Variants in IL31RA observed in about 807,000 individuals in gnomAD.
The protein encoded by IL31RA is interleukin 31 receptor A, also known as interleukin-31 receptor subunit alpha.
Under a neutral mutation model 83.7 loss-of-function variants are expected in IL31RA, and 66 were observed. The observed-to-expected ratio is 0.79, with a 90% CI of 0.65 to 0.97. The LOEUF is 0.97. Ranked by LOEUF, IL31RA falls within the 50% of genes least tolerant of loss-of-function variation. The probability of loss-of-function intolerance (pLI) is 0.00; values close to 1 mark genes in which losing one functional copy is unlikely to be tolerated. For missense variants in IL31RA, 798 were observed against 919.4 expected, an observed-to-expected ratio of 0.87 and a Z score of 1.71; for synonymous variants, 325 against 329.0, an observed-to-expected ratio of 0.99 and a Z score of 0.13.
chr5:55,862,124 G>A (rs1745725148), intron 2 of IL31RA, among the ~76,000 whole-genome samples: 1 of 152,086 alleles, frequency 6.6e-6, no homozygotes, highest in Non-Finnish European at 1.5e-5. Flanking sequence ...GAGGGAATAG[G>A]GAAAGAAAGA....
In IL31RA at chr5:55,867,300, T is replaced by TGCGC. The variant is rs1477576433; in HGVS notation, c.155-1490_155-1489insCGCG. ...GTGCATGTGTGTGTGCATGTGTGTGTGTGCGTGTGTGTGTGTGCGTGTGTG... is the reference window on the plus strand; with the variant it reads ...GTGCATGTGTGTGTGCATGTGTGTGTGCGCGTGCGTGTGTGTGTGTGCGTGTGTG... On this transcript the variant is annotated intron_variant, in intron 2 of 14. Coordinates refer to ENST00000652347, the MANE Select transcript of IL31RA (RefSeq NM_139017.7). 1.6e-4 allele frequency among the ~76,000 whole-genome samples: 13 copies of TGCGC among 80,666 alleles called. No individual in the cohort carries two copies. The South Asian group carries it at 3.6e-3, about 22-fold the overall frequency. The allele number at this position is 80,666 out of a possible 152,430, so 52.9% of individuals were successfully genotyped here. A position where few individuals can be genotyped will look rare whatever the true frequency, so the allele number is the denominator to read the frequency against.
intron 3 of IL31RA, 83 bp from the exon 4 acceptor site, chr5:55,872,187 A>G: frequency 9.5e-7 from 1 of 1,047,512 alleles, no homozygotes. Flanking sequence ...AAAAACTAAC[A>G]AATTACTGCT....
chr5:55,896,434 C>T lies in IL31RA; in HGVS notation c.852+5C>T. ...CCAGTGCGGTTGTTATGGAAGGTGA[C>T]CTCCCTCTGGATTCTTTTTCTCTCT... On this transcript the variant is annotated splice_donor_5th_base_variant and intron_variant, in intron 7 of 14. Coordinates refer to ENST00000652347, the MANE Select transcript of IL31RA (RefSeq NM_139017.7). 8.1e-6 allele frequency: 13 copies of T among 1,601,572 alleles called. No homozygotes were observed. The highest frequency in any genetic ancestry group is 1.1e-5 in the South Asian group (1 of 90,816).
rs201334743 is a variant in IL31RA at position 55,917,011 on chromosome 5, A to C, written c.2186A>C (p.Asp729Ala). The C allele has an allele frequency of 6.2e-7, 1 of 1,614,218 alleles. No individual in the cohort carries two copies. Among genetic ancestry groups the C allele is most frequent in the Admixed American group, 1.7e-5 (1 of 60,034 alleles). Residue 729 changes from aspartate (D) to alanine (A), a missense_variant, in exon 15 of 15, where the codon GAT (aspartate) becomes GCT (alanine). Asp to Ala is a moderately radical substitution (Grantham distance 126). Coordinates refer to ENST00000652347, the MANE Select transcript of IL31RA (RefSeq NM_139017.7). ...LLFSGQSLVPDHLCEEGAPNP... is the reference protein window; with the variant it reads ...LLFSGQSLVPAHLCEEGAPNP... ...TTTTCTGGTCAAAGTTTAGTACCAG[A>C]TCATCTGTGTGAGGAAGGAGCCCCA...
At chr5:55,873,486 C>G (rs1197112387) in intron 4 of IL31RA, among the ~76,000 whole-genome samples, 2 of 152,064 alleles carry the variant, frequency 1.3e-5, no homozygotes, top group Non-Finnish European at 2.9e-5. Context: ...TAAACTTTAT[C>G]AAAGTGACTG....
intron 12 of IL31RA, among the ~76,000 whole-genome samples, chr5:55,911,398 C>T (rs1749493184): frequency 6.6e-6 from 1 of 152,144 alleles, no homozygotes; most frequent in Non-Finnish European, 1.5e-5. Context: ...CACAGCCAAA[C>T]CATATCACTG....
chr5:55,874,515 C>G lies in IL31RA; in HGVS notation c.454+2064C>G, dbSNP rs548522670. On this transcript the variant is annotated intron_variant, in intron 4 of 14. Transcript: ENST00000652347. ...CTTCCAATCCATGAACATGGAATAT[C>G]TTTCCATTTATTTAGGCTGCCTTCA... Among the ~76,000 whole-genome samples, 16 of 152,228 alleles carry G rather than the reference C, an allele frequency of 1.1e-4. No homozygotes were observed. The South Asian group carries it at 3.3e-3, about 32-fold the overall frequency.
intron 9 of IL31RA, 145 bp from the exon 10 acceptor site, chr5:55,907,214 C>G (rs1353596648): frequency 1.6e-6 from 1 of 640,372 alleles, no homozygotes; most frequent in Non-Finnish European, 2.8e-6. Context: ...AGAGACCATT[C>G]AACCTAACCT....
chr5:55,912,512 G>T (rs1253363833), intron 12 of IL31RA, among the ~76,000 whole-genome samples: 2 of 152,166 alleles, frequency 1.3e-5, no homozygotes, highest in African/African-American at 2.4e-5. Flanking sequence ...AGCTAAAGTT[G>T]CTGTCTGGAC....
At chr5:55,897,959 T>G (rs1561109453) in intron 7 of IL31RA, among the ~76,000 whole-genome samples, 1 of 152,152 alleles carries the variant, frequency 6.6e-6, no homozygotes, top group East Asian at 1.9e-4. Flanking sequence ...TCCAATTACC[T>G]CAGGGTTGGA....
At chr5:55,887,864 C>G (rs1395299400) in intron 5 of IL31RA, among the ~76,000 whole-genome samples, 1 of 150,236 alleles carries the variant, frequency 6.7e-6, no homozygotes, top group Non-Finnish European at 1.5e-5. Flanking sequence ...GCCTGGGTGA[C>G]AGAGCAAGAC....
chr5:55,918,845 T>TA lies in IL31RA; in HGVS notation c.*1725_*1726insA, dbSNP rs1749945925. Among the ~76,000 whole-genome samples, 1 of 151,994 alleles carries TA rather than the reference T, an allele frequency of 6.6e-6. No individual in the cohort carries two copies. Among genetic ancestry groups the TA allele is most frequent in the African/African-American group, 2.4e-5 (1 of 41,330 alleles). On this transcript the variant is annotated 3_prime_UTR_variant, in exon 15 of 15. Coordinates refer to ENST00000652347, the MANE Select transcript of IL31RA (RefSeq NM_139017.7). ...TCAGTACTCCTGGTTTACGGAACAGTGACTTCTGGTACACCAAGGAATGAG... is the reference window on the plus strand; with the variant it reads ...TCAGTACTCCTGGTTTACGGAACAGTAGACTTCTGGTACACCAAGGAATGAG...
intron 5 of IL31RA, among the ~76,000 whole-genome samples, chr5:55,888,028 C>T (rs1476998310): frequency 1.4e-5 from 2 of 148,000 alleles, no homozygotes; most frequent in African/African-American, 2.5e-5. Context: ...CCAGCCTGGG[C>T]AACAGAGTCA....
chr5:55,902,230 TATGAC>T (rs1748866524), intron 8 of IL31RA: 1 of 152,178 alleles, frequency 6.6e-6, no homozygotes, highest in African/African-American at 2.4e-5. Flanking sequence ...GTTGAATAGT[TATGAC>T]AGAGACGACC....
At position 55,879,750 on chromosome 5, in the gene IL31RA, T is replaced by C. The variant is rs564572094; in HGVS notation, c.455-3294T>C. On this transcript the variant is annotated intron_variant, in intron 4 of 14. Coordinates refer to ENST00000652347, the MANE Select transcript of IL31RA (RefSeq NM_139017.7). The stretch of plus-strand genomic sequence containing the variant: ...CAGTCCAGTCTTTTTTTTTTTTTTT[T>C]CAATGTTTTCATGGGAGAACAAGAA... 6.0e-3 allele frequency among the ~76,000 whole-genome samples: 837 copies of C among 139,202 alleles called. 9 individuals are homozygous for C. The highest frequency in any genetic ancestry group is 0.022 in the African/African-American group (809 of 36,528). The allele number at this position is 139,202 out of a possible 152,430, so 91.3% of individuals were successfully genotyped here. A position where few individuals can be genotyped will look rare whatever the true frequency, so the allele number is the denominator to read the frequency against.
chr5:55,899,779 G>A (rs1008380200), intron 7 of IL31RA, 137 bp from the exon 8 acceptor site: 3 of 705,322 alleles, frequency 4.3e-6, no homozygotes, highest in Non-Finnish European at 5.2e-6. Context: ...TTCATCCCTG[G>A]AGGGTAATTA....
At chr5:55,869,919 C>A (rs1746414181) in intron 3 of IL31RA, among the ~76,000 whole-genome samples, 1 of 152,056 alleles carries the variant, frequency 6.6e-6, no homozygotes, top group South Asian at 2.1e-4. Context: ...TATTTTTAAG[C>A]TAAATCTCAC....
At chr5:55,881,015 T>G (rs1003623351) in intron 4 of IL31RA, among the ~76,000 whole-genome samples, 1 of 152,036 alleles carries the variant, frequency 6.6e-6, no homozygotes, top group African/African-American at 2.4e-5. Context: ...ATTAAAAAGC[T>G]TTAGAGGCCG....
At position 55,883,090 on chromosome 5, in the gene IL31RA, C is replaced by T. The variant is rs769670441; in HGVS notation, c.501C>T (p.Gly167=). The T allele has an allele frequency of 1.5e-5, 24 of 1,613,896 alleles. No homozygotes were observed. Among genetic ancestry groups the T allele is most frequent in the Non-Finnish European group, 1.8e-5 (21 of 1,179,834 alleles). ...PKIFRVKPVL[G]IKRMIQIEWI... Reference sequence around the variant, plus strand: ...TTTTCCGTGTGAAACCAGTTTTGGGCATCAAACGAATGATTCAAATTGAAT... The same window carrying T: ...TTTTCCGTGTGAAACCAGTTTTGGGTATCAAACGAATGATTCAAATTGAAT... The change falls in exon 5 of 15, where the codon GGC becomes GGT. Residue 167 remains glycine (G), a synonymous_variant. Transcript: ENST00000652347.
Sources: allele counts gnomAD v4.1 joint callset (sites outside exome capture counted in the v4.1 genomes callset), GRCh38; gene constraint gnomAD v4.1.1; transcripts MANE v1.5; gene names NCBI Gene and HGNC (gene_info 2026-07-23, HGNC 2026-07-21).